Variants in NKAIN2 observed in about 807,000 individuals in gnomAD.
The protein encoded by NKAIN2 is sodium/potassium-transporting ATPase subunit beta-1-interacting protein 2.
NKAIN2 carries 14 observed loss-of-function variants against 32.6 expected under a neutral mutation model. The observed-to-expected ratio is 0.43, with a 90% CI of 0.28 to 0.67. The LOEUF (loss-of-function observed/expected upper bound fraction) is 0.67, where lower values mean the gene tolerates loss of function less well. NKAIN2 is among the 30% of genes least tolerant of loss of function. NKAIN2 has a pLI of 0.17. For missense variants in NKAIN2, 198 were observed against 258.3 expected (o/e 0.77, Z 1.60); for synonymous variants, 80 against 87.2 (o/e 0.92, Z 0.46).
At chr6:124,056,493 T>C (rs924390571) in intron 1 of NKAIN2, among the ~76,000 whole-genome samples, 6 of 151,980 alleles carry the variant, frequency 3.9e-5, no homozygotes, top group Admixed American at 6.6e-5. Context: ...ATTGCAAACC[T>C]ACCTCCTTCA....
chr6:123,915,527 C>T (rs1345704750), intron 1 of NKAIN2, among the ~76,000 whole-genome samples: 2 of 152,140 alleles, frequency 1.3e-5, no homozygotes, highest in African/African-American at 4.8e-5. Flanking sequence ...GTTTGAGAGG[C>T]ACTGACAGGC....
chr6:124,075,081 T>A (rs1426785217), intron 1 of NKAIN2, among the ~76,000 whole-genome samples: 1 of 152,176 alleles, frequency 6.6e-6, no homozygotes, highest in Admixed American at 6.5e-5. Context: ...TATTTAAATA[T>A]CTTGGGTTAA....
chr6:124,203,199 G>A (rs571084887), intron 1 of NKAIN2, among the ~76,000 whole-genome samples: 35 of 151,822 alleles, frequency 2.3e-4, no homozygotes, highest in African/African-American at 8.0e-4. Context: ...TTGTTGAGGG[G>A]GATCACACAT....
intron 1 of NKAIN2, among the ~76,000 whole-genome samples, chr6:124,185,320 G>T (rs1422321606): frequency 6.6e-6 from 1 of 152,110 alleles, no homozygotes; most frequent in Admixed American, 6.6e-5. Context: ...AAAATTATGA[G>T]TTCTGATTCT....
At chr6:123,992,607 T>C (rs946436892) in intron 1 of NKAIN2, among the ~76,000 whole-genome samples, 1 of 152,188 alleles carries the variant, frequency 6.6e-6, no homozygotes, top group Admixed American at 6.5e-5. Context: ...TTGAATGTGA[T>C]GAATTTGAAG....
chr6:124,158,698 C>A (rs903571698), intron 1 of NKAIN2, among the ~76,000 whole-genome samples: 1 of 152,224 alleles, frequency 6.6e-6, no homozygotes, highest in East Asian at 1.9e-4. Flanking sequence ...CTAATGAAGA[C>A]CCTGCAATGA....
At chr6:124,056,168 G>A (rs1782642229) in intron 1 of NKAIN2, among the ~76,000 whole-genome samples, 1 of 151,714 alleles carries the variant, frequency 6.6e-6, no homozygotes, top group South Asian at 2.1e-4. Context: ...TGAGGCCATT[G>A]AAATCCCTTT....
In NKAIN2 at chr6:124,127,862, T is replaced by A. The variant is rs146706237; in HGVS notation, c.55-155143T>A. Among the ~76,000 whole-genome samples, 109 of 152,118 alleles carry A rather than the reference T, an allele frequency of 7.2e-4. 1 individual carries two copies. The highest frequency in any genetic ancestry group is 2.5e-3 in the African/African-American group (103 of 41,518). On this transcript the variant is annotated intron_variant, in intron 1 of 6. Transcript: ENST00000368417. ...TTTTTTTTTAGATGGAGTATTGCTCTTGTTGCCCAGGCTGGAGTGCAGTGC... is the reference window on the plus strand; with the variant it reads ...TTTTTTTTTAGATGGAGTATTGCTCATGTTGCCCAGGCTGGAGTGCAGTGC...
chr6:124,432,842 C>A (rs143480232), intron 3 of NKAIN2, among the ~76,000 whole-genome samples: 2 of 152,032 alleles, frequency 1.3e-5, no homozygotes, highest in Admixed American at 6.6e-5. Context: ...CTTCTTCCCC[C>A]ACAGTCAACC....
intron 2 of NKAIN2, among the ~76,000 whole-genome samples, chr6:124,333,362 T>C (rs1797740488): frequency 6.6e-6 from 1 of 152,118 alleles, no homozygotes; most frequent in South Asian, 2.1e-4. Flanking sequence ...AAATAGGGAA[T>C]AAAAAATAAA....
At chr6:124,576,327 G>T (rs763672946) in intron 3 of NKAIN2, among the ~76,000 whole-genome samples, 1 of 142,354 alleles carries the variant, frequency 7.0e-6, no homozygotes, top group Non-Finnish European at 1.6e-5. Flanking sequence ...TGGTTTTACA[G>T]ATTTCAATAT....
chr6:124,805,520 C>G (rs377689144), intron 5 of NKAIN2, among the ~76,000 whole-genome samples: 4 of 151,032 alleles, frequency 2.6e-5, no homozygotes, highest in South Asian at 2.1e-4. Context: ...ACCAAAAGTA[C>G]ATAAAACCAC....
intron 3 of NKAIN2, among the ~76,000 whole-genome samples, chr6:124,611,307 A>G (rs918633414): frequency 1.3e-5 from 2 of 152,194 alleles, no homozygotes; most frequent in Admixed American, 1.3e-4. Context: ...AGATTAAGAA[A>G]ATAAATGTTA....
intron 3 of NKAIN2, among the ~76,000 whole-genome samples, chr6:124,655,711 T>C (rs908245155): frequency 6.6e-6 from 1 of 152,190 alleles, no homozygotes; most frequent in Non-Finnish European, 1.5e-5. Context: ...TGGTCCCTGT[T>C]TGCAATTATG....
chr6:124,168,609 A>G (rs1289463963), intron 1 of NKAIN2, among the ~76,000 whole-genome samples: 1 of 151,964 alleles, frequency 6.6e-6, no homozygotes, highest in Non-Finnish European at 1.5e-5. Flanking sequence ...AACATAAAAC[A>G]TTCTTTGAGT....
intron 4 of NKAIN2, among the ~76,000 whole-genome samples, chr6:124,748,749 C>A (rs1260818877): frequency 6.6e-6 from 1 of 151,670 alleles, no homozygotes; most frequent in African/African-American, 2.4e-5. Context: ...CTAGTTTATC[C>A]ATTTGATTTA....
At chr6:124,497,733 A>T (rs1778116353) in intron 3 of NKAIN2, among the ~76,000 whole-genome samples, 1 of 151,808 alleles carries the variant, frequency 6.6e-6, no homozygotes. Flanking sequence ...GCTTACATAA[A>T]AAAAAACTAG....
At chr6:124,144,433 ACAGAAG>A (rs1224540989) in intron 1 of NKAIN2, among the ~76,000 whole-genome samples, 1 of 152,198 alleles carries the variant, frequency 6.6e-6, no homozygotes, top group Non-Finnish European at 1.5e-5. Context: ...GGTTATACTT[ACAGAAG>A]AAAAATAATG....
rs998954582 is a variant in NKAIN2, at chr6:123,865,924, A to G, written c.54+61670A>G. On this transcript the variant is annotated intron_variant, in intron 1 of 6. Coordinates refer to ENST00000368417, the MANE Select transcript of NKAIN2 (RefSeq NM_001040214.3). ...GATTTTCAAAAATTTGAATTGTACA[A>G]TGTAACAAAATGTATTTTCTCATAT... is the stretch of plus-strand genomic sequence containing the variant. 5.9e-5 allele frequency among the ~76,000 whole-genome samples: 9 copies of G among 152,238 alleles called. No homozygotes were observed. In the South Asian group the frequency reaches 1.9e-3, roughly 32 times the overall value.
Sources: allele counts gnomAD v4.1 joint callset (sites outside exome capture counted in the v4.1 genomes callset), GRCh38; gene constraint gnomAD v4.1.1; transcripts MANE v1.5; gene names NCBI Gene and HGNC (gene_info 2026-07-23, HGNC 2026-07-21).